KDM4C: variants seen among roughly 807,000 people sequenced by gnomAD.
KDM4C encodes lysine-specific demethylase 4C.
Under a neutral mutation model 129.3 loss-of-function variants are expected in KDM4C, and 81 were observed. That is an observed-to-expected ratio of 0.63 (90% CI 0.52 to 0.75). KDM4C has a LOEUF of 0.75. KDM4C is among the 30% of genes least tolerant of loss of function. The pLI is 0.00. For synonymous variants in KDM4C, 573 were observed against 456.1 expected (o/e 1.26, Z -3.26); for missense variants, 1,457 against 1,304.0 (o/e 1.12, Z -1.81).
chr9:6,977,461 C>A (rs993109154), intron 8 of KDM4C, among the ~76,000 whole-genome samples: 18 of 152,038 alleles, frequency 1.2e-4, no homozygotes, highest in African/African-American at 4.1e-4. Flanking sequence ...TTCATGTCTC[C>A]CAAAACCACA....
At chr9:6,767,068 G>C (rs1820771572) in intron 1 of KDM4C, among the ~76,000 whole-genome samples, 1 of 152,056 alleles carries the variant, frequency 6.6e-6, no homozygotes, top group African/African-American at 2.4e-5. Flanking sequence ...TTGAGTGGGT[G>C]AACTGAAGTG....
chr9:7,035,071 G>C (rs182505061), intron 15 of KDM4C, among the ~76,000 whole-genome samples: 323 of 151,766 alleles, frequency 2.1e-3, no homozygotes, highest in African/African-American at 7.5e-3. Flanking sequence ...GGAGTTTAGT[G>C]GTGCTCTCTC....
At chr9:6,950,609 C>G (rs1373501629) in intron 8 of KDM4C, among the ~76,000 whole-genome samples, 1 of 152,172 alleles carries the variant, frequency 6.6e-6, no homozygotes, top group Non-Finnish European at 1.5e-5. Context: ...GTGAGATTAT[C>G]TCTGTATTCT....
chr9:6,961,019 G>T (rs1476409892), intron 8 of KDM4C, among the ~76,000 whole-genome samples: 1 of 152,156 alleles, frequency 6.6e-6, no homozygotes, highest in East Asian at 1.9e-4. Flanking sequence ...GCAAGAGGTG[G>T]CTTCTAGGAC....
intron 1 of KDM4C, among the ~76,000 whole-genome samples, chr9:6,789,388 T>G (rs574772063): frequency 9.2e-5 from 14 of 152,016 alleles, no homozygotes; most frequent in Non-Finnish European, 1.8e-4. Context: ...GCCTGGCTAA[T>G]TTTTGTATTT....
chr9:6,770,964 C>T (rs1367372058), intron 1 of KDM4C, among the ~76,000 whole-genome samples: 5 of 150,988 alleles, frequency 3.3e-5, no homozygotes, highest in South Asian at 2.1e-4. Context: ...TCAGTAGAGA[C>T]GGGGTTTCAC....
chr9:6,983,501 C>T (rs965171755), intron 9 of KDM4C, among the ~76,000 whole-genome samples: 6 of 151,272 alleles, frequency 4.0e-5, no homozygotes, highest in Admixed American at 2.0e-4. Flanking sequence ...CTTTGGGAGG[C>T]AGTGGGGGAG....
intron 4 of KDM4C, chr9:6,834,939 G>A (rs1835600954): frequency 2.7e-6 from 3 of 1,113,498 alleles, no homozygotes; most frequent in African/African-American, 1.5e-5. Flanking sequence ...GTCACCCACA[G>A]TGTGCCCATC....
chr9:6,809,423 A>G (rs1830738062), intron 3 of KDM4C, among the ~76,000 whole-genome samples: 1 of 152,176 alleles, frequency 6.6e-6, no homozygotes, highest in Admixed American at 6.5e-5. Context: ...TGTCTCTCTT[A>G]AAGTGTTAAT....
At chr9:7,147,175 G>T (rs1230630975) in intron 19 of KDM4C, among the ~76,000 whole-genome samples, 1 of 152,222 alleles carries the variant, frequency 6.6e-6, no homozygotes, top group Non-Finnish European at 1.5e-5. Flanking sequence ...AGGTGGTTGA[G>T]TAGCTTATGC....
At chr9:7,030,963 T>C (rs1826625636) in intron 15 of KDM4C, among the ~76,000 whole-genome samples, 1 of 152,114 alleles carries the variant, frequency 6.6e-6, no homozygotes, top group South Asian at 2.1e-4. Flanking sequence ...GAAAAGCATT[T>C]ATTTTACTCT....
At chr9:7,115,224 C>T (rs1295000299) in intron 18 of KDM4C, among the ~76,000 whole-genome samples, 1 of 152,026 alleles carries the variant, frequency 6.6e-6, no homozygotes, top group Non-Finnish European at 1.5e-5. Flanking sequence ...TTATTTTTTT[C>T]GTAGATAAGG....
chr9:6,767,404 G>A (rs1820851809), intron 1 of KDM4C, among the ~76,000 whole-genome samples: 1 of 151,962 alleles, frequency 6.6e-6, no homozygotes, highest in Non-Finnish European at 1.5e-5. Flanking sequence ...GCCTCCCAAA[G>A]TGTTGGGATT....
At chr9:7,091,184 A>G (rs573464981) in intron 17 of KDM4C, among the ~76,000 whole-genome samples, 8 of 152,300 alleles carry the variant, frequency 5.3e-5, no homozygotes, top group East Asian at 1.9e-4. Context: ...ATGGTTTTCA[A>G]TGGAAACTTT....
intron 1 of KDM4C, among the ~76,000 whole-genome samples, chr9:6,725,391 A>G (rs1385767312): frequency 6.6e-6 from 1 of 151,332 alleles, no homozygotes; most frequent in African/African-American, 2.4e-5. Flanking sequence ...CCTTTATGAT[A>G]TTTTTCTGGA....
chr9:6,822,346 G>A (rs1202867894), intron 4 of KDM4C, among the ~76,000 whole-genome samples: 2 of 152,322 alleles, frequency 1.3e-5, no homozygotes, highest in East Asian at 1.9e-4. Flanking sequence ...TGTTCTTGGG[G>A]AAGACTGTAC....
chr9:6,855,866 C>A (rs137858815), intron 5 of KDM4C, among the ~76,000 whole-genome samples: 5 of 152,308 alleles, frequency 3.3e-5, no homozygotes, highest in African/African-American at 1.2e-4. Context: ...GGGAGCCCCA[C>A]TATTCATTCA....
intron 19 of KDM4C, among the ~76,000 whole-genome samples, chr9:7,136,941 C>T (rs147573285): frequency 2.0e-5 from 3 of 152,208 alleles, no homozygotes; most frequent in African/African-American, 7.2e-5. Flanking sequence ...TAGCAAGCAG[C>T]TCCAGGGAAA....
chr9:7,140,260 G>A (rs1195279384), intron 19 of KDM4C, among the ~76,000 whole-genome samples: 1 of 152,150 alleles, frequency 6.6e-6, no homozygotes, highest in South Asian at 2.1e-4. Flanking sequence ...GGCCTCTTCC[G>A]CCCTGCTCAT....
Sources: allele counts gnomAD v4.1 joint callset (sites outside exome capture counted in the v4.1 genomes callset), GRCh38; gene constraint gnomAD v4.1.1; transcripts MANE v1.5; gene names NCBI Gene and HGNC (gene_info 2026-07-23, HGNC 2026-07-21).